The following HDHD5 variants were observed in gnomAD, a reference collection of about 807,000 sequenced individuals.
The protein encoded by HDHD5 is haloacid dehalogenase like hydrolase domain containing 5.
Under a neutral mutation model 35.5 loss-of-function variants are expected in HDHD5, and 34 were observed. That is an observed-to-expected ratio of 0.96 (90% CI 0.73 to 1.28). The LOEUF is 1.28. Among genes scored for constraint, HDHD5 ranks in the 50% most tolerant of loss-of-function variants. The probability of loss-of-function intolerance (pLI) is 0.00; values close to 1 mark genes in which losing one functional copy is unlikely to be tolerated. For missense variants in HDHD5, 589 were observed against 560.2 expected, an observed-to-expected ratio of 1.05 and a Z score of -0.52; for synonymous variants, 248 against 240.6, an observed-to-expected ratio of 1.03 and a Z score of -0.29.
Position 17,137,667 on chromosome 22 carries a change from C to G in HDHD5, c.*354G>C, listed in dbSNP as rs915369658. 14 of 229,350 alleles carry G rather than the reference C, an allele frequency of 6.1e-5. No homozygotes were observed. Among genetic ancestry groups the G allele is most frequent in the African/African-American group, 2.7e-4 (12 of 44,238 alleles). The allele number at this position is 229,350 out of a possible 1,614,324, so 14.2% of individuals were successfully genotyped here. On this transcript the variant is annotated 3_prime_UTR_variant, in exon 8 of 8. Coordinates refer to ENST00000336737, the MANE Select transcript of HDHD5 (RefSeq NM_033070.3). ...CATGCCTTCAGTGCCGGCAAAGGCT[C>G]TGCACAGACATCCACAGTATTCCAC...
rs773630151 is a variant in HDHD5, at chr22:17,149,498, G to A, written c.330+44C>T. The A allele has an allele frequency of 6.3e-6, 10 of 1,587,348 alleles. No individual in the cohort carries two copies. In the East Asian group the frequency reaches 2.2e-4, roughly 36 times the overall value. On this transcript the variant is annotated intron_variant, in intron 2 of 7. Coordinates refer to ENST00000336737, the MANE Select transcript of HDHD5 (RefSeq NM_033070.3). ...TGGAGCTGGGGCAGCGGCTCCATTA[G>A]GAACCAGGTCCTTGGGCTTCCATGC... is the stretch of plus-strand genomic sequence containing the variant.
At chr22:17,162,235 C>T (rs1051165278), upstream of HDHD5, among the ~76,000 whole-genome samples, 10 of 152,174 alleles carry the variant, frequency 6.6e-5, no homozygotes, top group Non-Finnish European at 1.5e-4. Context: ...CATGAACCAC[C>T]CTGAGGCAAA....
chr22:17,138,213 C>G lies in HDHD5; in HGVS notation c.1080G>C (p.Leu360=). ...TGGGATTGTAGACGCCTGTACACAC[C>G]AGGATGGAGATGCAGCTCTGGCTTG... The part of the protein sequence containing the change: ...PSASQSCISI[L]VCTGVYNPRN... The change falls in exon 8 of 8, where the codon CTG becomes CTC. Residue 360 remains leucine (L), a synonymous_variant. Coordinates refer to ENST00000336737, the MANE Select transcript of HDHD5 (RefSeq NM_033070.3). 6.2e-7 allele frequency: 1 copy of G among 1,614,164 alleles called. No homozygotes were observed. The highest frequency in any genetic ancestry group is 8.5e-7 in the Non-Finnish European group (1 of 1,180,032).
intron 5 of HDHD5, chr22:17,141,565 T>A (rs886298448): frequency 1.4e-4 from 155 of 1,131,506 alleles, no homozygotes; most frequent in Non-Finnish European, 1.6e-4. Context: ...CTCCCTCACA[T>A]GACTTAGCAA....
chr22:17,141,061 G>C lies in HDHD5; in HGVS notation c.744C>G (p.Pro248=), dbSNP rs752840460. The C allele has an allele frequency of 1.3e-6, 2 of 1,583,108 alleles. No individual in the cohort carries two copies. The highest frequency in any genetic ancestry group is 4.8e-5 in the East Asian group (2 of 41,280). Residue 248 remains proline (P), a splice_region_variant and synonymous_variant, in exon 6 of 8, where the codon CCC becomes CCG. Coordinates refer to ENST00000336737, the MANE Select transcript of HDHD5 (RefSeq NM_033070.3). ...DLLWMAEAKM[P]RFGHGTFLLC... Reference sequence around the variant, plus strand: ...GGCTGGGAGCTTTGTGTCCTCACCTGGGCATCTTGGCTTCAGCCATCCACA... The same window carrying C: ...GGCTGGGAGCTTTGTGTCCTCACCTCGGCATCTTGGCTTCAGCCATCCACA...
At chr22:17,159,411 G>A (rs2061844542), upstream of HDHD5, 1 of 759,302 alleles carries the variant, frequency 1.3e-6, no homozygotes, top group Non-Finnish European at 2.0e-6. Flanking sequence ...CGACCCGCAG[G>A]CCAAAGGGGC....
upstream of HDHD5, among the ~76,000 whole-genome samples, chr22:17,161,151 C>T (rs1473432811): frequency 6.7e-6 from 1 of 148,946 alleles, no homozygotes; most frequent in Non-Finnish European, 1.5e-5. Flanking sequence ...GAAGCTGAGG[C>T]AGGAGAATCG....
intron 5 of HDHD5, chr22:17,141,523 C>T (rs1275138254): frequency 8.1e-7 from 1 of 1,233,104 alleles, no homozygotes; most frequent in Non-Finnish European, 1.0e-6. Flanking sequence ...AGGGCTACTT[C>T]TCCTTGCTGG....
chr22:17,147,510 C>T (rs28444641), intron 3 of HDHD5, among the ~76,000 whole-genome samples: 7 of 130,786 alleles, frequency 5.4e-5, no homozygotes, highest in African/African-American at 8.8e-5. Context: ...TTCGATCACA[C>T]GCCATCGCAC....
At position 17,138,219 on chromosome 22, in the gene HDHD5, G is replaced by A; in HGVS notation, c.1074C>T (p.Ser358=). 1 of 1,614,228 alleles carries A rather than the reference G, an allele frequency of 6.2e-7. No homozygotes were observed. The highest frequency in any genetic ancestry group is 8.5e-7 in the Non-Finnish European group (1 of 1,180,046). ...TGTAGACGCCTGTACACACCAGGAT[G>A]GAGATGCAGCTCTGGCTTGCTGAGG... The part of the protein sequence containing the change: ...QQPSASQSCI[S]ILVCTGVYNP... The change falls in exon 8 of 8, where the codon TCC becomes TCT. Residue 358 remains serine (S), a synonymous_variant. Transcript: ENST00000336737.
intron 5 of HDHD5, chr22:17,142,160 G>A (rs2061607304): frequency 6.6e-6 from 1 of 152,222 alleles, no homozygotes; most frequent in Non-Finnish European, 1.5e-5. Flanking sequence ...AGGATTGCTT[G>A]AGCTCAGGAG....
Position 17,137,806 on chromosome 22 carries a change from C to G in HDHD5, c.*215G>C, listed in dbSNP as rs1348891453. On this transcript the variant is annotated 3_prime_UTR_variant, in exon 8 of 8. Transcript: ENST00000336737. Reference sequence around the variant, plus strand: ...ACGAAAGGCACGTGGGAACTGGGCCCAGAAAATTCCAACCGTTCCATACAA... The same window carrying G: ...ACGAAAGGCACGTGGGAACTGGGCCGAGAAAATTCCAACCGTTCCATACAA... 3.6e-6 allele frequency: 2 copies of G among 552,706 alleles called. No individual in the cohort carries two copies. Among genetic ancestry groups the G allele is most frequent in the African/African-American group, 3.8e-5 (2 of 53,056 alleles). 34.2% of individuals were successfully genotyped at this position (552,706 alleles called of 1,614,324 possible). A position where few individuals can be genotyped will look rare whatever the true frequency, so the allele number is the denominator to read the frequency against.
chr22:17,150,601 C>A (rs1224482836), intron 1 of HDHD5, among the ~76,000 whole-genome samples: 1 of 151,718 alleles, frequency 6.6e-6, no homozygotes, highest in Admixed American at 6.6e-5. Context: ...TCACCGCAAC[C>A]TCTGCCTCCC....
chr22:17,138,902 C>T (rs1484164737), intron 6 of HDHD5, among the ~76,000 whole-genome samples, 164 bp from the exon 7 acceptor site: 1 of 152,192 alleles, frequency 6.6e-6, no homozygotes, highest in Admixed American at 6.5e-5. Context: ...CAGCATTTCA[C>T]ATTTCCCTCT....
In HDHD5 at chr22:17,157,076, T is replaced by TCA. The variant is rs779244919; in HGVS notation, c.126+2048_126+2049dup. On this transcript the variant is annotated intron_variant, in intron 1 of 7. Transcript: ENST00000336737. Reference sequence around the variant, plus strand: ...CCGGGCAACAGAGCTAGACACCGTCTCACACACATACACACACACACACAC... The same window carrying TCA: ...CCGGGCAACAGAGCTAGACACCGTCTCACACACACATACACACACACACACAC... 2.1e-3 allele frequency among the ~76,000 whole-genome samples: 116 copies of TCA among 56,168 alleles called. 1 individual carries two copies. Among genetic ancestry groups the TCA allele is most frequent in the African/African-American group, 7.4e-3 (98 of 13,156 alleles). 36.8% of individuals were successfully genotyped at this position (56,168 alleles called of 152,430 possible). A position where few individuals can be genotyped will look rare whatever the true frequency, so the allele number is the denominator to read the frequency against.
chr22:17,143,010 G>A, intron 5 of HDHD5, 88 bp downstream of exon 5: 1 of 1,457,200 alleles, frequency 6.9e-7, no homozygotes. Flanking sequence ...GCTGAACCAG[G>A]CTGCAGGCAG....
chr22:17,164,237 A>AG (rs1197201348), upstream of HDHD5, among the ~76,000 whole-genome samples: 7 of 151,944 alleles, frequency 4.6e-5, no homozygotes, highest in East Asian at 1.4e-3. Flanking sequence ...AAAAAAAAAA[A>AG]AAAAAAAGCA....
intron 5 of HDHD5, 105 bp downstream of exon 5, chr22:17,142,993 C>CT: frequency 7.6e-7 from 1 of 1,307,420 alleles, no homozygotes; most frequent in Non-Finnish European, 1.1e-6. Context: ...CTCCAAGGCC[C>CT]CTTGCTGCTG....
chr22:17,160,977 A>C (rs1295605986), upstream of HDHD5, among the ~76,000 whole-genome samples: 2 of 151,740 alleles, frequency 1.3e-5, no homozygotes, highest in Non-Finnish European at 2.9e-5. Flanking sequence ...AAGCATAGCC[A>C]GGCGCGGTGG....
Sources: gnomAD v4.1 joint callset for allele counts (sites outside exome capture counted in the v4.1 genomes callset) on GRCh38, gnomAD v4.1.1 for gene constraint, MANE v1.5 for transcripts, NCBI Gene and HGNC (gene_info 2026-07-23, HGNC 2026-07-21) for gene names.